The following PKIG variants were observed in gnomAD, a reference collection of about 807,000 sequenced individuals.
PKIG encodes the protein protein kinase (cAMP-dependent, catalytic) inhibitor gamma.
PKIG carries 1 observed loss-of-function variant against 6.8 expected under a neutral mutation model. The observed-to-expected ratio is 0.15, with a 90% confidence interval of 0.05 to 0.69. PKIG has a LOEUF of 0.69. PKIG is among the 30% of genes least tolerant of loss of function. The pLI is 0.82. For synonymous variants in PKIG, 39 were observed against 43.0 expected (o/e 0.91, Z 0.36); for missense variants, 77 against 104.0 (o/e 0.74, Z 1.13).
intron 2 of PKIG, among the ~76,000 whole-genome samples, chr20:44,594,771 G>A (rs1600883783): frequency 6.6e-6 from 1 of 152,114 alleles, no homozygotes; most frequent in South Asian, 2.1e-4. Flanking sequence ...GGGATTTCCA[G>A]CTCCTTTGAA....
chr20:44,583,821 GCAAAGGAC>G (rs2064967607), intron 1 of PKIG, among the ~76,000 whole-genome samples: 1 of 152,180 alleles, frequency 6.6e-6, no homozygotes, highest in Admixed American at 6.5e-5. Context: ...GGCTTTAGGA[GCAAAGGAC>G]CCTAGGTTTT....
chr20:44,539,576 GC>G (rs905055275), intron 1 of PKIG, among the ~76,000 whole-genome samples: 10 of 151,918 alleles, frequency 6.6e-5, no homozygotes, highest in African/African-American at 2.2e-4. Flanking sequence ...CCACCACCAC[GC>G]CCGGCTGATT....
intron 1 of PKIG, among the ~76,000 whole-genome samples, chr20:44,558,574 T>TCTTTTTTTTTTTC (rs1555835144): frequency 2.3e-5 from 3 of 131,900 alleles, no homozygotes; most frequent in African/African-American, 9.3e-5. Flanking sequence ...TTTTTTTCTT[T>TCTTTTTTTTTTTC]TTTCTTTCTT....
At chr20:44,547,248 G>A (rs180813887) in intron 1 of PKIG, among the ~76,000 whole-genome samples, 1 of 152,230 alleles carries the variant, frequency 6.6e-6, no homozygotes, top group East Asian at 1.9e-4. Flanking sequence ...TTCCGTGTTG[G>A]AGCAAAAAAT....
chr20:44,580,891 A>G (rs1409111128), upstream of PKIG, among the ~76,000 whole-genome samples: 3 of 152,138 alleles, frequency 2.0e-5, no homozygotes, highest in Middle Eastern at 3.2e-3. Flanking sequence ...ATCACCATCA[A>G]AGTGGCATTG....
At chr20:44,583,200 G>A (rs369460679) in intron 1 of PKIG, among the ~76,000 whole-genome samples, 1 of 152,146 alleles carries the variant, frequency 6.6e-6, no homozygotes, top group East Asian at 1.9e-4. Flanking sequence ...TTAAATTTCA[G>A]TTACAGATAT....
chr20:44,537,065 G>A (rs1441560963), intron 1 of PKIG, among the ~76,000 whole-genome samples: 2 of 152,096 alleles, frequency 1.3e-5, no homozygotes, highest in African/African-American at 4.8e-5. Flanking sequence ...AAGTAGCTGG[G>A]ATTACAAGCA....
At chr20:44,565,923 C>T (rs73615482) in intron 1 of PKIG, among the ~76,000 whole-genome samples, 1,755 of 152,292 alleles carry the variant, frequency 0.012, 18 homozygotes, top group East Asian at 0.064. Flanking sequence ...CCTTCATGCT[C>T]GGCTAATTTT....
intron 2 of PKIG, among the ~76,000 whole-genome samples, chr20:44,606,758 G>A (rs1203379677): frequency 7.2e-5 from 11 of 152,214 alleles, no homozygotes; most frequent in Admixed American, 3.3e-4. Flanking sequence ...GCAGTGAGCC[G>A]AGACCATGCC....
At chr20:44,610,496 T>TCACACACACACACACACA (rs1466815546) in intron 2 of PKIG, among the ~76,000 whole-genome samples, 2 of 111,552 alleles carry the variant, frequency 1.8e-5, no homozygotes, top group Non-Finnish European at 3.6e-5. Flanking sequence ...TCTCTCTCTC[T>TCACACACACACACACACA]CTCTCACACA....
chr20:44,613,314 C>T (rs1207271555), intron 2 of PKIG, among the ~76,000 whole-genome samples: 10 of 152,188 alleles, frequency 6.6e-5, no homozygotes, highest in Middle Eastern at 3.4e-3. Context: ...TACAGGCGCC[C>T]GCCACCACGC....
At chr20:44,565,236 G>A (rs2123262704) in intron 1 of PKIG, among the ~76,000 whole-genome samples, 1 of 152,228 alleles carries the variant, frequency 6.6e-6, no homozygotes, top group Admixed American at 6.5e-5. Context: ...CTAGTGCTGG[G>A]ACTATAGAGT....
intron 2 of PKIG, among the ~76,000 whole-genome samples, chr20:44,607,226 C>A (rs2065170908): frequency 1.3e-5 from 2 of 151,792 alleles, no homozygotes; most frequent in Admixed American, 1.3e-4. Context: ...ATAAAAGGAA[C>A]AATTTAGTTA....
At chr20:44,579,377 A>G (rs1030709244), upstream of PKIG, among the ~76,000 whole-genome samples, 1 of 152,232 alleles carries the variant, frequency 6.6e-6, no homozygotes, top group African/African-American at 2.4e-5. Flanking sequence ...AAAAACAGCC[A>G]AGTTTCCTGA....
chr20:44,547,418 T>G (rs1249918144), intron 1 of PKIG, among the ~76,000 whole-genome samples: 1 of 152,212 alleles, frequency 6.6e-6, no homozygotes, highest in Non-Finnish European at 1.5e-5. Flanking sequence ...ATCAGGATGC[T>G]GATTTTGATT....
intron 1 of PKIG, among the ~76,000 whole-genome samples, chr20:44,559,910 C>G (rs2064751223): frequency 6.6e-6 from 1 of 152,016 alleles, no homozygotes; most frequent in African/African-American, 2.4e-5. Flanking sequence ...GTATATTTAA[C>G]ATTTTGATGT....
At chr20:44,615,541 C>T (rs889806279) in intron 3 of PKIG, among the ~76,000 whole-genome samples, 1 of 152,030 alleles carries the variant, frequency 6.6e-6, no homozygotes, top group Non-Finnish European at 1.5e-5. Context: ...CAGAGAACCC[C>T]TTGGCTCAAG....
At chr20:44,616,058 CT>C (rs2065261556) in intron 3 of PKIG, among the ~76,000 whole-genome samples, 5 of 152,328 alleles carry the variant, frequency 3.3e-5, no homozygotes, top group South Asian at 4.2e-4. Context: ...CTCTCATCCT[CT>C]CGCCAGCCAT....
At chr20:44,588,120 T>G (rs1355411919) in intron 1 of PKIG, among the ~76,000 whole-genome samples, 1 of 152,196 alleles carries the variant, frequency 6.6e-6, no homozygotes, top group African/African-American at 2.4e-5. Flanking sequence ...CAGTAGCATT[T>G]GAGCTGAGCC....
Sources: allele counts gnomAD v4.1 joint callset (sites outside exome capture counted in the v4.1 genomes callset), GRCh38; gene constraint gnomAD v4.1.1; transcripts MANE v1.5; gene names NCBI Gene and HGNC (gene_info 2026-07-23, HGNC 2026-07-21).